The following TRAF2 variants were observed in gnomAD, a reference collection of about 807,000 sequenced individuals.
TRAF2 encodes the protein TNF receptor associated factor 2, also known as TNF receptor-associated factor 2.
In TRAF2, 6 loss-of-function variants were observed where a neutral mutation model predicts 55.6. The observed-to-expected ratio is 0.11, with a 90% CI of 0.06 to 0.21. TRAF2 has a LOEUF of 0.21. TRAF2 is among the 10% of genes least tolerant of loss of function. The probability of loss-of-function intolerance (pLI) is 1.00; values close to 1 mark genes in which losing one functional copy is unlikely to be tolerated. For missense variants in TRAF2, 561 were observed against 684.5 expected, an observed-to-expected ratio of 0.82 and a Z score of 2.01; for synonymous variants, 329 against 276.3, an observed-to-expected ratio of 1.19 and a Z score of -1.89.
chr9:136,916,308 G>A (rs955750920), intron 6 of TRAF2, among the ~76,000 whole-genome samples: 2 of 152,116 alleles, frequency 1.3e-5, no homozygotes, highest in Non-Finnish European at 2.9e-5. Flanking sequence ...CAGGTGTCCC[G>A]AAATGCTTGC....
chr9:136,919,313 T>TTC, intron 7 of TRAF2, among the ~76,000 whole-genome samples: 1 of 148,478 alleles, frequency 6.7e-6, no homozygotes, highest in Non-Finnish European at 1.5e-5. Context: ...TTTTTTTTTT[T>TTC]TTGAGACAGA....
intron 6 of TRAF2, 84 bp downstream of exon 6, chr9:136,910,078 G>C: frequency 2.9e-6 from 4 of 1,396,630 alleles, no homozygotes; most frequent in Non-Finnish European, 3.0e-6. Flanking sequence ...GGGTGGGGCA[G>C]GTTATGACCC....
Position 136,898,851 on chromosome 9 carries a change from C to T in TRAF2, c.111C>T (p.Cys37=), listed in dbSNP as rs1849748819. 1 of 1,613,568 alleles carries T rather than the reference C, an allele frequency of 6.2e-7. No individual in the cohort carries two copies. Among genetic ancestry groups the T allele is most frequent in the African/African-American group, 1.3e-5 (1 of 74,938 alleles). The change falls in exon 2 of 11, where the codon TGC becomes TGT. Residue 37 remains cysteine, a synonymous_variant. Transcript: ENST00000247668. ...AAGCCAAGTACCTGTGCTCCGCCTG[C>T]AGAAACGTCCTCCGCAGGCCCTTCC... ...KLEAKYLCSA[C]RNVLRRPFQA...
intron 2 of TRAF2, among the ~76,000 whole-genome samples, chr9:136,899,260 C>T (rs1250708412): frequency 6.6e-6 from 1 of 152,218 alleles, no homozygotes; most frequent in Non-Finnish European, 1.5e-5. Context: ...GCTAAGACAG[C>T]CGCCTTCCTT....
chr9:136,911,172 C>T (rs1196877881), intron 6 of TRAF2, among the ~76,000 whole-genome samples: 6 of 152,170 alleles, frequency 3.9e-5, no homozygotes, highest in Admixed American at 2.0e-4. Context: ...CGGGCGCCCA[C>T]GCAGCGCGGT....
chr9:136,907,991 C>T, intron 4 of TRAF2, 79 bp from the exon 5 acceptor site: 2 of 1,528,690 alleles, frequency 1.3e-6, no homozygotes, highest in South Asian at 1.2e-5. Flanking sequence ...CGCTACATCG[C>T]CTTGTGTCCC....
At chr9:136,925,498 C>CT (rs978920466) in intron 10 of TRAF2, among the ~76,000 whole-genome samples, 185 bp from the exon 11 acceptor site, 2 of 152,134 alleles carry the variant, frequency 1.3e-5, no homozygotes, top group African/African-American at 4.8e-5. Context: ...CTGGGGAGGG[C>CT]TGGGGAGCCC....
chr9:136,921,311 G>A, intron 9 of TRAF2, 96 bp downstream of exon 9: 1 of 1,497,290 alleles, frequency 6.7e-7, no homozygotes, highest in South Asian at 1.2e-5. Context: ...TCCCAAGGGT[G>A]GGGCTGGGAT....
At chr9:136,899,830 G>A (rs1305282370) in intron 3 of TRAF2, among the ~76,000 whole-genome samples, 158 bp downstream of exon 3, 1 of 152,106 alleles carries the variant, frequency 6.6e-6, no homozygotes, top group African/African-American at 2.4e-5. Flanking sequence ...TTTGAGACCA[G>A]CCTGGGCAAC....
intron 1 of TRAF2, among the ~76,000 whole-genome samples, chr9:136,889,037 T>G (rs1300336901): frequency 1.3e-5 from 2 of 152,090 alleles, no homozygotes; most frequent in African/African-American, 4.8e-5. Context: ...GCTAATTTTT[T>G]GTATTTTTAA....
chr9:136,916,470 G>A, intron 6 of TRAF2, 71 bp from the exon 7 acceptor site: 1 of 1,482,090 alleles, frequency 6.7e-7, no homozygotes. Context: ...GTCAGTCAGT[G>A]TGGTCCATGT....
rs746479394 is a variant in TRAF2, at chr9:136,916,597, C to T, written c.660C>T (p.Ala220=). 5.0e-6 allele frequency: 8 copies of T among 1,613,902 alleles called. No individual in the cohort carries two copies. In the African/African-American group the frequency reaches 5.3e-5, roughly 11 times the overall value. ...GTCGAGTCCCTTGCAGATTCCACGC[C>T]ATCGGCTGCCTCGAGACGGTGAGTC... ...GKCRVPCRFH[A]IGCLETVEGE... Residue 220 remains alanine (A), a synonymous_variant, in exon 7 of 11, where the codon GCC becomes GCT. Transcript: ENST00000247668.
At chr9:136,924,419 G>C (rs1280745272) in intron 10 of TRAF2, among the ~76,000 whole-genome samples, 1 of 151,784 alleles carries the variant, frequency 6.6e-6, no homozygotes, top group Non-Finnish European at 1.5e-5. Flanking sequence ...AAAATTAGCC[G>C]GGCATGGTGG....
At chr9:136,921,908 C>T (rs967792182) in intron 9 of TRAF2, among the ~76,000 whole-genome samples, 5 of 152,188 alleles carry the variant, frequency 3.3e-5, no homozygotes, top group African/African-American at 4.8e-5. Flanking sequence ...GCCATCATCT[C>T]GGCCCCAACT....
At chr9:136,891,888 A>G (rs1849587838) in intron 1 of TRAF2, among the ~76,000 whole-genome samples, 1 of 151,420 alleles carries the variant, frequency 6.6e-6, no homozygotes. Flanking sequence ...CACTCGGCTA[A>G]TTTTGTGTTT....
At position 136,909,978 on chromosome 9, in the gene TRAF2, A is replaced by T. The variant is rs770120882; in HGVS notation, c.587A>T (p.Lys196Met). The T allele has an allele frequency of 2.0e-5, 32 of 1,613,914 alleles. No individual in the cohort carries two copies. Among genetic ancestry groups the T allele is most frequent in the Non-Finnish European group, 2.3e-5 (27 of 1,179,994 alleles). The change falls in exon 6 of 11, where the codon AAG becomes ATG. Residue 196 changes from lysine (K) to methionine (M), a missense_variant. Transcript: ENST00000247668. ...PLTCDGCGKK[K>M]IPREKFQDHV... The stretch of plus-strand genomic sequence containing the variant: ...ACTTGTGACGGCTGCGGCAAGAAGA[A>T]GATCCCCCGGGAGAAGGTGAGTGTC...
chr9:136,889,893 C>T (rs1225033542), intron 1 of TRAF2, among the ~76,000 whole-genome samples: 1 of 152,142 alleles, frequency 6.6e-6, no homozygotes, highest in African/African-American at 2.4e-5. Flanking sequence ...CAGTCGGTCA[C>T]CGCATGTGTG....
At chr9:136,905,446 A>C (rs547529385) in intron 4 of TRAF2, among the ~76,000 whole-genome samples, 3 of 152,134 alleles carry the variant, frequency 2.0e-5, no homozygotes, top group Non-Finnish European at 2.9e-5. Context: ...GAGCAGGGGA[A>C]TGGGGAGTTA....
chr9:136,882,604 A>C, upstream of TRAF2: 1 of 948,158 alleles, frequency 1.1e-6, no homozygotes, highest in Non-Finnish European at 1.3e-6. Context: ...CTGCCCGGGG[A>C]CATACCCTCC....
Sources: allele counts gnomAD v4.1 joint callset (sites outside exome capture counted in the v4.1 genomes callset), GRCh38; gene constraint gnomAD v4.1.1; transcripts MANE v1.5; gene names NCBI Gene and HGNC (gene_info 2026-07-23, HGNC 2026-07-21).